The following POLD3 variants were observed in gnomAD, a reference collection of about 807,000 sequenced individuals.
POLD3 encodes the protein DNA polymerase delta 3, accessory subunit.
A neutral mutation model predicts 58.2 loss-of-function variants in POLD3; 19 were observed. The observed-to-expected ratio is 0.33, with a 90% CI of 0.23 to 0.48. The LOEUF (loss-of-function observed/expected upper bound fraction) is 0.48, where lower values mean the gene tolerates loss of function less well. Among genes scored for constraint, POLD3 ranks in the 20% least tolerant of loss-of-function variants. The probability of loss-of-function intolerance (pLI) is 0.99; values close to 1 mark genes in which losing one functional copy is unlikely to be tolerated. For missense variants in POLD3, 504 were observed against 545.5 expected (o/e 0.92, Z 0.76); for synonymous variants, 172 against 193.5 (o/e 0.89, Z 0.92).
Position 74,601,315 on chromosome 11 carries a change from A to G in POLD3, c.117-3377A>G, listed in dbSNP as rs534613404. On this transcript the variant is annotated intron_variant, in intron 2 of 11. Coordinates refer to ENST00000263681, the MANE Select transcript of POLD3 (RefSeq NM_006591.3). Reference sequence around the variant, plus strand: ...TTCTAACACAATTGTTGTAATGGAAAGAAACATTAGAGGGCAAAGAGGAGG... The same window carrying G: ...TTCTAACACAATTGTTGTAATGGAAGGAAACATTAGAGGGCAAAGAGGAGG... Among the ~76,000 whole-genome samples, 7 of 152,356 alleles carry G rather than the reference A, an allele frequency of 4.6e-5. No individual in the cohort carries two copies. In the South Asian group the frequency reaches 1.0e-3, roughly 23 times the overall value.
intron 9 of POLD3, among the ~76,000 whole-genome samples, chr11:74,631,201 A>G (rs1021542508): frequency 5.3e-5 from 8 of 152,238 alleles, no homozygotes; most frequent in African/African-American, 1.9e-4. Flanking sequence ...TTAGTTCAAT[A>G]TGCTGTCTTC....
chr11:74,640,380 G>C (rs79963251), intron 11 of POLD3, among the ~76,000 whole-genome samples, 184 bp from the exon 12 acceptor site: 4,148 of 152,288 alleles, frequency 0.027, 228 homozygotes, highest in African/African-American at 0.094. Context: ...TGTGAGCTCA[G>C]GATCCCACAT....
At position 74,592,588 on chromosome 11, in the gene POLD3, G is replaced by T. The variant is rs531296704; in HGVS notation, c.-71G>T. On this transcript the variant is annotated 5_prime_UTR_variant, in exon 1 of 12. Coordinates refer to ENST00000263681, the MANE Select transcript of POLD3 (RefSeq NM_006591.3). ...CCGGGACCTGGGAGGGAGCAAAGAC[G>T]TTTCCCGCCGGCGGGAGCTGTGGCT... 1.9e-6 allele frequency: 3 copies of T among 1,584,158 alleles called. No homozygotes were observed. Among genetic ancestry groups the T allele is most frequent in the Non-Finnish European group, 2.6e-6 (3 of 1,158,768 alleles).
At chr11:74,653,064 G>T (rs2033087482) in intron 4 of POLD3, among the ~76,000 whole-genome samples, 1 of 152,122 alleles carries the variant, frequency 6.6e-6, no homozygotes, top group African/African-American at 2.4e-5. Flanking sequence ...GAGATGAATG[G>T]ACTTCAAAAA....
At chr11:74,658,212 GC>G (rs1457476756) in intron 4 of POLD3, among the ~76,000 whole-genome samples, 1 of 152,210 alleles carries the variant, frequency 6.6e-6, no homozygotes, top group Non-Finnish European at 1.5e-5. Context: ...AAATGAGGAA[GC>G]AAAAGCAGAA....
In POLD3 at chr11:74,642,476, CA is replaced by C. The variant is rs1168474908; in HGVS notation, c.*1712del. On this transcript the variant is annotated 3_prime_UTR_variant, in exon 12 of 12. Coordinates refer to ENST00000263681, the MANE Select transcript of POLD3 (RefSeq NM_006591.3). ...GAAAATTAAAAGAAAAGCAACAATC[CA>C]ATCTTTTTTCTAAAAATTATGCTGG... is the stretch of plus-strand genomic sequence containing the variant. The C allele has an allele frequency of 1.1e-5, 11 of 984,870 alleles. No homozygotes were observed. The highest frequency in any genetic ancestry group is 1.2e-6 in the Non-Finnish European group (1 of 829,614). 61.0% of individuals were successfully genotyped at this position (984,870 alleles called of 1,614,324 possible).
intron 4 of POLD3, among the ~76,000 whole-genome samples, chr11:74,665,860 C>T (rs2033262454): frequency 6.6e-6 from 1 of 152,152 alleles, no homozygotes. Flanking sequence ...AGGAAGTCTG[C>T]TCTCACCGCT....
intron 4 of POLD3, among the ~76,000 whole-genome samples, chr11:74,654,598 A>G (rs1394823551): frequency 1.3e-5 from 2 of 152,152 alleles, no homozygotes; most frequent in Non-Finnish European, 2.9e-5. Context: ...AAAACTACTG[A>G]CCCTCAAGTA....
chr11:74,607,608 G>T (rs1173814850), intron 3 of POLD3, among the ~76,000 whole-genome samples: 1 of 151,504 alleles, frequency 6.6e-6, no homozygotes, highest in African/African-American at 2.4e-5. Context: ...TTGAGACAGG[G>T]TCTCACTTTG....
At chr11:74,638,672 C>T (rs963647469) in intron 11 of POLD3, 4 of 455,814 alleles carry the variant, frequency 8.8e-6, no homozygotes, top group South Asian at 3.1e-5. Flanking sequence ...AATTGCTGAA[C>T]GAATAGGTAT....
chr11:74,642,782 G>A lies in POLD3; in HGVS notation c.*2016G>A, dbSNP rs1385707115. 1.0e-6 allele frequency: 1 copy of A among 985,006 alleles called. No homozygotes were observed. The highest frequency in any genetic ancestry group is 1.2e-6 in the Non-Finnish European group (1 of 829,722). The allele number at this position is 985,006 out of a possible 1,614,324, so 61.0% of individuals were successfully genotyped here. A position where few individuals can be genotyped will look rare whatever the true frequency, so the allele number is the denominator to read the frequency against. ...TTATTTGATGGATGGTAACAGTGTT[G>A]CAATTATTTAAGCTCTGAATGGGAA... On this transcript the variant is annotated 3_prime_UTR_variant, in exon 12 of 12. Transcript: ENST00000263681.
intron 8 of POLD3, among the ~76,000 whole-genome samples, chr11:74,628,193 G>A (rs1363326264): frequency 6.6e-6 from 1 of 151,956 alleles, no homozygotes; most frequent in Non-Finnish European, 1.5e-5. Context: ...ACCTGTACTC[G>A]ATACAGATTT....
intron 11 of POLD3, 97 bp downstream of exon 11, chr11:74,636,372 A>T: frequency 1.7e-6 from 2 of 1,192,000 alleles, no homozygotes; most frequent in Non-Finnish European, 2.4e-6. Context: ...TCAAACTTTA[A>T]TTTACATGTG....
At position 74,661,245 on chromosome 11, in the gene POLD3, T is replaced by C. The variant is rs1273597391; in HGVS notation, c.370-7532T>C. On this transcript the variant is annotated intron_variant, in intron 4 of 4. Coordinates refer to the POLD3 transcript ENST00000524752. ...ATAATGTCATGTTTTCCTGGATGTC[T>C]TGATGCTTGTGGATGTTTGTCAGTG... 5.3e-5 allele frequency among the ~76,000 whole-genome samples: 8 copies of C among 152,194 alleles called. No homozygotes were observed. The South Asian group carries it at 8.3e-4, about 16-fold the overall frequency.
chr11:74,611,246 TA>T (rs1441402477), intron 3 of POLD3, among the ~76,000 whole-genome samples: 2 of 152,240 alleles, frequency 1.3e-5, no homozygotes, highest in Non-Finnish European at 2.9e-5. Flanking sequence ...TTTTTAATTG[TA>T]GTACTGAAAT....
intron 2 of POLD3, among the ~76,000 whole-genome samples, chr11:74,600,780 C>T (rs1316087588): frequency 3.8e-5 from 5 of 131,546 alleles, no homozygotes; most frequent in African/African-American, 1.4e-4. Flanking sequence ...TGTGATGGCA[C>T]GATCCCAGCT....
chr11:74,621,260 A>G (rs2032246149), intron 7 of POLD3, among the ~76,000 whole-genome samples: 1 of 152,122 alleles, frequency 6.6e-6, no homozygotes, highest in African/African-American at 2.4e-5. Context: ...CTCCTGTCAG[A>G]TCAGTGGTGG....
chr11:74,651,301 C>T (rs1166234122), intron 4 of POLD3, among the ~76,000 whole-genome samples: 1 of 152,210 alleles, frequency 6.6e-6, no homozygotes, highest in Non-Finnish European at 1.5e-5. Context: ...TCATTCTCTT[C>T]TCTGGGCTTC....
intron 9 of POLD3, 144 bp from the exon 10 acceptor site, chr11:74,634,439 A>T (rs1311482697): frequency 1.9e-6 from 1 of 524,270 alleles, no homozygotes; most frequent in African/African-American, 1.9e-5. Flanking sequence ...AGATAACTAT[A>T]TAACTACAGA....
Sources: gnomAD v4.1 joint callset for allele counts (sites outside exome capture counted in the v4.1 genomes callset) on GRCh38, gnomAD v4.1.1 for gene constraint, MANE v1.5 for transcripts, NCBI Gene and HGNC (gene_info 2026-07-23, HGNC 2026-07-21) for gene names.